KLB: variants seen among roughly 807,000 people sequenced by gnomAD.
The protein encoded by KLB is beta-klotho.
KLB carries 44 observed loss-of-function variants against 88.4 expected under a neutral mutation model. The observed-to-expected ratio is 0.50, with a 90% CI of 0.39 to 0.64. The LOEUF is 0.64. Ranked by LOEUF, KLB falls within the 30% of genes least tolerant of loss-of-function variation. The probability of loss-of-function intolerance (pLI) is 0.00; values close to 1 mark genes in which losing one functional copy is unlikely to be tolerated. For synonymous variants in KLB, 548 were observed against 513.4 expected (o/e 1.07, Z -0.91); for missense variants, 1,137 against 1,304.8 (o/e 0.87, Z 1.98).
Position 39,447,140 on chromosome 4 carries a change from G to T in KLB, c.2414G>T (p.Arg805Leu). ...GGGCTTTCCAGCTCGGCCCTGCCGC[G>T]CCTCACCGAGGCCGAAAGGAGGCTG... ...RRGLSSSALP[R>L]LTEAERRLLK... Residue 805 changes from arginine to leucine, a missense_variant, in exon 4 of 5, where the codon CGC becomes CTC. By Grantham distance (102) the Arg-to-Leu change is moderately radical. This residue lies in a region of KLB where 426 missense variants were observed against 404.6 expected (regional missense o/e 1.05). Transcript: ENST00000257408. 6.2e-7 allele frequency: 1 copy of T among 1,613,626 alleles called. No homozygotes were observed. Among genetic ancestry groups the T allele is most frequent in the Non-Finnish European group, 8.5e-7 (1 of 1,180,026 alleles).
rs565258949 is a variant in KLB, at chr4:39,414,999, G to C, written c.825+7225G>C. ...TGGTGGGGGTTGGGTTTTTTGGTTT[G>C]TTTTTTGAGAAGGAGTGATTCTCCT... On this transcript the variant is annotated intron_variant, in intron 1 of 4. Coordinates refer to ENST00000257408, the MANE Select transcript of KLB (RefSeq NM_175737.4). Among the ~76,000 whole-genome samples, 18 of 151,018 alleles carry C rather than the reference G, an allele frequency of 1.2e-4. 1 individual carries two copies. The highest frequency in any genetic ancestry group is 4.4e-4 in the African/African-American group (18 of 41,218).
At chr4:39,412,604 C>T (rs1038314021) in intron 1 of KLB, among the ~76,000 whole-genome samples, 1 of 152,198 alleles carries the variant, frequency 6.6e-6, no homozygotes, top group South Asian at 2.1e-4. Flanking sequence ...CTCTTTACTT[C>T]GTGATGGTCA....
intron 1 of KLB, among the ~76,000 whole-genome samples, chr4:39,430,444 G>A (rs905369954): frequency 1.0e-4 from 15 of 144,376 alleles, no homozygotes; most frequent in African/African-American, 3.0e-4. Flanking sequence ...AATTTCTGTC[G>A]TGATTCTAGC....
intron 1 of KLB, among the ~76,000 whole-genome samples, chr4:39,430,593 A>ATTTTTTTT (rs373054180): frequency 1.1e-5 from 1 of 87,678 alleles, no homozygotes; most frequent in Non-Finnish European, 2.2e-5. Flanking sequence ...CTGAGAGGAA[A>ATTTTTTTT]TTTTTTTTTT....
intron 1 of KLB, among the ~76,000 whole-genome samples, chr4:39,432,756 T>C (rs1743390544): frequency 6.6e-6 from 1 of 152,128 alleles, no homozygotes; most frequent in Non-Finnish European, 1.5e-5. Flanking sequence ...CAACTGGAAA[T>C]GCAAACTCCA....
At chr4:39,445,689 T>TTTG (rs934379187) in intron 3 of KLB, among the ~76,000 whole-genome samples, 9 of 150,420 alleles carry the variant, frequency 6.0e-5, no homozygotes, top group South Asian at 2.1e-4. Flanking sequence ...TTTTTGTTTT[T>TTTG]TTTTTTTTTT....
At chr4:39,420,642 A>G (rs577493986) in intron 1 of KLB, among the ~76,000 whole-genome samples, 5 of 152,084 alleles carry the variant, frequency 3.3e-5, no homozygotes, top group Admixed American at 1.3e-4. Context: ...CTCCTGCCTC[A>G]GCCTCCCGAG....
At chr4:39,443,420 T>C (rs1219081563) in intron 3 of KLB, among the ~76,000 whole-genome samples, 4 of 151,712 alleles carry the variant, frequency 2.6e-5, no homozygotes, top group African/African-American at 9.7e-5. Context: ...ATATGTGCCA[T>C]ATGGTAACTT....
chr4:39,426,449 A>G (rs1468808617), intron 1 of KLB, among the ~76,000 whole-genome samples: 1 of 143,834 alleles, frequency 7.0e-6, no homozygotes, highest in Non-Finnish European at 1.5e-5. Context: ...GGGCCATGAA[A>G]TTTGGACCAT....
Position 39,448,878 on chromosome 4 carries a change from G to A in KLB, c.*192G>A. On this transcript the variant is annotated 3_prime_UTR_variant, in exon 5 of 5. Transcript: ENST00000257408. ...GTTGACATCAGTGAACTCAGTTCTT[G>A]GATGTAAACATAAAGGCTTCATCCT... The A allele has an allele frequency of 1.8e-6, 1 of 570,432 alleles. No individual in the cohort carries two copies. Among genetic ancestry groups the A allele is most frequent in the South Asian group, 2.5e-5 (1 of 40,308 alleles). The allele number at this position is 570,432 out of a possible 1,614,324, so 35.3% of individuals were successfully genotyped here. A position where few individuals can be genotyped will look rare whatever the true frequency, so the allele number is the denominator to read the frequency against.
In KLB at chr4:39,447,369, C is replaced by A; in HGVS notation, c.2643C>A (p.Gly881=). 3 of 1,613,838 alleles carry A rather than the reference C, an allele frequency of 1.9e-6. No homozygotes were observed. Among genetic ancestry groups the A allele is most frequent in the Non-Finnish European group, 2.5e-6 (3 of 1,180,006 alleles). Residue 881 remains glycine (G), a synonymous_variant, in exon 4 of 5, where the codon GGC becomes GGA. Coordinates refer to ENST00000257408, the MANE Select transcript of KLB (RefSeq NM_175737.4). The stretch of plus-strand genomic sequence containing the variant: ...TGCGGTGGGTCCGGAGGAACTACGG[C>A]GACATGGACATTTACATCACCGCCA... ...KLLRWVRRNY[G]DMDIYITASG...
Position 39,450,161 on chromosome 4 carries a change from C to T in KLB, c.*1475C>T, listed in dbSNP as rs977238297. On this transcript the variant is annotated 3_prime_UTR_variant, in exon 5 of 5. Coordinates refer to ENST00000257408, the MANE Select transcript of KLB (RefSeq NM_175737.4). ...ATAATTTGACACTTTGGGAAATGAA[C>T]TCTGTTCTTGAGACTTGTTCAGTGT... 6.6e-6 allele frequency: 1 copy of T among 152,136 alleles called. No homozygotes were observed. The highest frequency in any genetic ancestry group is 1.5e-5 in the Non-Finnish European group (1 of 68,038). The allele number at this position is 152,136 out of a possible 1,614,324, so 9.4% of individuals were successfully genotyped here. A position where few individuals can be genotyped will look rare whatever the true frequency, so the allele number is the denominator to read the frequency against.
At chr4:39,413,476 G>A (rs561795973) in intron 1 of KLB, among the ~76,000 whole-genome samples, 24 of 152,130 alleles carry the variant, frequency 1.6e-4, no homozygotes, top group Non-Finnish European at 2.9e-4. Flanking sequence ...TTGGGAAACC[G>A]AGGGAAGAAG....
chr4:39,439,882 G>A (rs1432774168), intron 3 of KLB, among the ~76,000 whole-genome samples: 1 of 151,934 alleles, frequency 6.6e-6, no homozygotes, highest in East Asian at 1.9e-4. Flanking sequence ...TGGCCAAACT[G>A]GCTTCGAAAT....
Position 39,446,957 on chromosome 4 carries a change from C to G in KLB, c.2231C>G (p.Ala744Gly), listed in dbSNP as rs767733785. Reference sequence around the variant, plus strand: ...GGGGCCGTGTCGCTGTCGCTGCACGCGGACTGGGCGGAACCCGCCAACCCC... The same window carrying G: ...GGGGCCGTGTCGCTGTCGCTGCACGGGGACTGGGCGGAACCCGCCAACCCC... The part of the protein sequence containing the change: ...QRGAVSLSLH[A>G]DWAEPANPYA... Residue 744 changes from alanine (A) to glycine (G), a missense_variant, in exon 4 of 5, where the codon GCG becomes GGG. Ala to Gly is a moderately conservative substitution (Grantham distance 60). Around this residue, in one of 4 missense-constraint regions of KLB, gnomAD observed 426 missense variants for 404.6 expected, o/e 1.05. Transcript: ENST00000257408. The surrounding 1 kb of genome is among the most constrained non-coding windows in gnomAD (Gnocchi z 6.4). 5.0e-6 allele frequency: 8 copies of G among 1,605,748 alleles called. No homozygotes were observed. In the East Asian group the frequency reaches 1.6e-4, roughly 31 times the overall value.
At chr4:39,428,322 G>A (rs1743265467) in intron 1 of KLB, among the ~76,000 whole-genome samples, 1 of 152,004 alleles carries the variant, frequency 6.6e-6, no homozygotes. Context: ...CAGTTACTCA[G>A]GAGGCTGAGG....
chr4:39,446,665 G>A lies in KLB; in HGVS notation c.1939G>A (p.Ala647Thr). ...GGTCACCCTGTATTATCCGACCCAC[G>A]CCCACCTAGGCCTCCCCGAGCCTCT... Reference protein sequence around the residue: ...AMVTLYYPTHAHLGLPEPLLH... With the variant: ...AMVTLYYPTHTHLGLPEPLLH... Residue 647 changes from alanine to threonine, a missense_variant, in exon 4 of 5, where the codon GCC (alanine) becomes ACC (threonine). This residue lies in a region of KLB where 597 missense variants were observed against 765.2 expected (regional missense o/e 0.78). Transcript: ENST00000257408. This position sits in a 1 kb window ranked among gnomAD's most constrained non-coding sequence, Gnocchi z 6.4. 1 of 1,611,952 alleles carries A rather than the reference G, an allele frequency of 6.2e-7. No individual in the cohort carries two copies.
chr4:39,437,872 T>G lies in KLB; in HGVS notation c.1482T>G (p.Ser494=), dbSNP rs2109838967. The change falls in exon 3 of 5, where the codon TCT becomes TCG. Residue 494 remains serine (S), a synonymous_variant. Coordinates refer to ENST00000257408, the MANE Select transcript of KLB (RefSeq NM_175737.4). ...NSKQKERKPK[S]SAHYYKQIIR... ...AACAGAAAGAGCGGAAACCTAAGTC[T>G]TCAGCACACTACTACAAACAGATCA... 6.2e-7 allele frequency: 1 copy of G among 1,614,212 alleles called. No individual in the cohort carries two copies. The highest frequency in any genetic ancestry group is 2.2e-5 in the East Asian group (1 of 44,886).
In KLB at chr4:39,434,275, G is replaced by T; in HGVS notation, c.891G>T (p.Ser297=). Residue 297 remains serine, a synonymous_variant, in exon 2 of 5, where the codon TCG becomes TCT. Transcript: ENST00000257408. ...HFRPHQKGWL[S]ITLGSHWIEP... Reference sequence around the variant, plus strand: ...GCCCACATCAGAAGGGTTGGTTATCGATCACGTTGGGATCTCATTGGATCG... The same window carrying T: ...GCCCACATCAGAAGGGTTGGTTATCTATCACGTTGGGATCTCATTGGATCG... The T allele has an allele frequency of 6.2e-7, 1 of 1,614,052 alleles. No homozygotes were observed. Among genetic ancestry groups the T allele is most frequent in the Non-Finnish European group, 8.5e-7 (1 of 1,179,944 alleles).
Sources: gnomAD v4.1 joint callset for allele counts (sites outside exome capture counted in the v4.1 genomes callset) on GRCh38, gnomAD v4.1.1 for gene constraint, gnomAD v4.1.1 regional missense constraint, Gnocchi (gnomAD v3.1) non-coding constraint, MANE v1.5 for transcripts, NCBI Gene and HGNC (gene_info 2026-07-23, HGNC 2026-07-21) for gene names.